Variants in MEIKIN observed in about 807,000 individuals in gnomAD.
MEIKIN encodes the protein meiotic kinetochore factor.
intron 11 of MEIKIN, among the ~76,000 whole-genome samples, chr5:131,850,018 A>G (rs984793397): frequency 4.6e-5 from 7 of 151,474 alleles, no homozygotes; most frequent in Non-Finnish European, 1.0e-4. Context: ...ATTTCTACAC[A>G]CTAACATAAG....
rs116617519 is a variant in MEIKIN, at chr5:131,863,368, C to T, written c.775-8534G>A. The stretch of plus-strand genomic sequence containing the variant: ...TGTGTTGATTTTCTGTCTAGATGAT[C>T]TGTTGAGTGCTGAGTGAGTGGGGTG... On this transcript the variant is annotated intron_variant, in intron 9 of 12. Transcript: ENST00000442687. Among the ~76,000 whole-genome samples the T allele has an allele frequency of 6.6e-3, 999 of 152,218 alleles. 6 individuals carry two copies. Among genetic ancestry groups the T allele is most frequent in the Non-Finnish European group, 0.011 (731 of 68,012 alleles).
chr5:131,829,890 T>C (rs1485261278), intron 11 of MEIKIN, among the ~76,000 whole-genome samples: 2 of 152,194 alleles, frequency 1.3e-5, no homozygotes, highest in African/African-American at 2.4e-5. Context: ...TGCCAACACC[T>C]TGATTTCAGA....
intron 9 of MEIKIN, among the ~76,000 whole-genome samples, chr5:131,867,450 TATA>T (rs1267099204): frequency 6.6e-6 from 1 of 152,222 alleles, no homozygotes; most frequent in African/African-American, 2.4e-5. Context: ...TTGACAAATG[TATA>T]ATGAGATGTA....
At chr5:131,840,977 C>A (rs575859971) in intron 11 of MEIKIN, among the ~76,000 whole-genome samples, 3 of 152,238 alleles carry the variant, frequency 2.0e-5, no homozygotes, top group East Asian at 3.9e-4. Flanking sequence ...TCTTTGTGGG[C>A]TGATATTCCT....
At chr5:131,901,217 C>G (rs1313045466) in intron 8 of MEIKIN, among the ~76,000 whole-genome samples, 1 of 152,146 alleles carries the variant, frequency 6.6e-6, no homozygotes, top group Non-Finnish European at 1.5e-5. Flanking sequence ...ATGCTCTGTC[C>G]CTGTGCTGAC....
intron 12 of MEIKIN, among the ~76,000 whole-genome samples, chr5:131,816,608 G>C (rs972098652): frequency 1.3e-5 from 2 of 152,096 alleles, no homozygotes; most frequent in African/African-American, 4.8e-5. Flanking sequence ...ATGGTAATTT[G>C]CATACGTTAG....
intron 5 of MEIKIN, among the ~76,000 whole-genome samples, chr5:131,928,239 T>C (rs1375694720): frequency 6.6e-6 from 1 of 152,180 alleles, no homozygotes; most frequent in African/African-American, 2.4e-5. Context: ...TGTGTTTTGA[T>C]TGGGAAGTTT....
chr5:131,914,518 AGGAAG>A (rs1751381778), intron 7 of MEIKIN, among the ~76,000 whole-genome samples: 1 of 129,532 alleles, frequency 7.7e-6, no homozygotes, highest in East Asian at 2.5e-4. Flanking sequence ...AAAAAGAAAA[AGGAAG>A]GGAGGGGAGG....
intron 9 of MEIKIN, among the ~76,000 whole-genome samples, chr5:131,862,926 T>C (rs1329702347): frequency 1.3e-5 from 2 of 152,166 alleles, no homozygotes; most frequent in Non-Finnish European, 2.9e-5. Flanking sequence ...CTCAAACTCC[T>C]GGCCTCAAGT....
At chr5:131,851,802 G>A (rs1413087401) in intron 10 of MEIKIN, among the ~76,000 whole-genome samples, 1 of 152,148 alleles carries the variant, frequency 6.6e-6, no homozygotes, top group Non-Finnish European at 1.5e-5. Flanking sequence ...GATTGATTTA[G>A]AGATGATTTA....
chr5:131,818,652 T>C (rs1773144849), intron 12 of MEIKIN, 88 bp downstream of exon 12: 4 of 383,898 alleles, frequency 1.0e-5, no homozygotes, highest in South Asian at 1.4e-4. Context: ...CAATTTATAA[T>C]TGAATTTCCT....
chr5:131,935,267 C>CAA lies in MEIKIN; in HGVS notation c.350-1628_350-1627dup, dbSNP rs749135114. On this transcript the variant is annotated intron_variant, in intron 4 of 12. Coordinates refer to ENST00000442687, the MANE Select transcript of MEIKIN (RefSeq NM_001303622.2). ...GCAACATAGTGGAACCCCGTCTCTA[C>CAA]AAAAAAAAAAAAAAAAAAAAAAGAA... Among the ~76,000 whole-genome samples, 282 of 36,588 alleles carry CAA rather than the reference C, an allele frequency of 7.7e-3. 11 individuals carry two copies. Among genetic ancestry groups the CAA allele is most frequent in the East Asian group, 0.021 (27 of 1,304 alleles). 24.0% of individuals were successfully genotyped at this position (36,588 alleles called of 152,430 possible).
rs150141496 is a variant in MEIKIN, at chr5:131,897,928, C to G, written c.703+13887G>C. On this transcript the variant is annotated intron_variant, in intron 8 of 12. Transcript: ENST00000442687. ...TCAACTCATCAAAGTCATTCTCCAT[C>G]CAGCCTTGCTCTGTTGCTGGCGAGG... 1.7e-3 allele frequency among the ~76,000 whole-genome samples: 257 copies of G among 152,318 alleles called. 1 individual carries two copies. The highest frequency in any genetic ancestry group is 5.9e-3 in the African/African-American group (246 of 41,564).
intron 9 of MEIKIN, among the ~76,000 whole-genome samples, chr5:131,878,273 A>G (rs181924634): frequency 1.3e-5 from 2 of 152,306 alleles, no homozygotes; most frequent in Admixed American, 1.3e-4. Flanking sequence ...GAATTCCTAT[A>G]AAAGTATTGG....
chr5:131,918,272 C>T (rs1043284792), intron 6 of MEIKIN, among the ~76,000 whole-genome samples: 1 of 152,144 alleles, frequency 6.6e-6, no homozygotes, highest in Non-Finnish European at 1.5e-5. Context: ...TGCATTTGCA[C>T]CTGATTTATT....
intron 12 of MEIKIN, 145 bp from the exon 13 acceptor site, chr5:131,807,403 G>A (rs1014470695): frequency 1.3e-5 from 5 of 393,170 alleles, no homozygotes; most frequent in Non-Finnish European, 1.8e-5. Flanking sequence ...CAAATCCAGA[G>A]GCCATTTAAA....
chr5:131,807,112 C>A lies in MEIKIN; in HGVS notation c.*124G>T, dbSNP rs1407565073. The stretch of plus-strand genomic sequence containing the variant: ...GTAGAATTTCAACATAGAGATATAT[C>A]ACAAATAACTGGAGAATTTTTAATT... On this transcript the variant is annotated 3_prime_UTR_variant, in exon 13 of 13. Coordinates refer to ENST00000442687, the MANE Select transcript of MEIKIN (RefSeq NM_001303622.2). 2.5e-6 allele frequency: 1 copy of A among 395,894 alleles called. No individual in the cohort carries two copies. Among genetic ancestry groups the A allele is most frequent in the African/African-American group, 2.1e-5 (1 of 48,510 alleles). 24.5% of individuals were successfully genotyped at this position (395,894 alleles called of 1,614,324 possible). A position where few individuals can be genotyped will look rare whatever the true frequency, so the allele number is the denominator to read the frequency against.
intron 8 of MEIKIN, among the ~76,000 whole-genome samples, chr5:131,903,955 C>A (rs1751201785): frequency 6.6e-6 from 1 of 150,544 alleles, no homozygotes; most frequent in Non-Finnish European, 1.5e-5. Flanking sequence ...ATCTACCAAG[C>A]CAATTAAAAA....
rs572588707 is a variant in MEIKIN, at chr5:131,925,410, C to T, written c.479-3469G>A. On this transcript the variant is annotated intron_variant, in intron 5 of 12. Transcript: ENST00000442687. ...AATATTAAGTCTTCCAACTCATAAA[C>T]ATGGGATGTGCATCCATTTGCTTGC... Among the ~76,000 whole-genome samples the T allele has an allele frequency of 1.2e-4, 19 of 152,308 alleles. No individual in the cohort carries two copies. In the East Asian group the frequency reaches 2.7e-3, roughly 22 times the overall value.
Sources: gnomAD v4.1 joint callset for allele counts (sites outside exome capture counted in the v4.1 genomes callset) on GRCh38, gnomAD v4.1.1 for gene constraint, MANE v1.5 for transcripts, NCBI Gene and HGNC (gene_info 2026-07-23, HGNC 2026-07-21) for gene names.